IGSF3: variants seen among roughly 807,000 people sequenced by gnomAD.
IGSF3 encodes the protein glu-Trp-Ile EWI motif-containing protein 3.
In IGSF3, 23 loss-of-function variants were observed where a neutral mutation model predicts 114.4. That is an observed-to-expected ratio of 0.20 (90% confidence interval 0.14 to 0.28). The LOEUF is 0.28. Among genes scored for constraint, IGSF3 ranks in the 10% least tolerant of loss-of-function variants. IGSF3 has a pLI of 1.00. For missense variants in IGSF3, 1,172 were observed against 1,591.5 expected, an observed-to-expected ratio of 0.74 and a Z score of 4.48; for synonymous variants, 571 against 645.2, an observed-to-expected ratio of 0.88 and a Z score of 1.74.
Position 116,588,902 on chromosome 1 carries a change from G to A in IGSF3, c.2232C>T (p.Tyr744=), listed in dbSNP as rs200041627. 100 of 1,614,042 alleles carry A rather than the reference G, an allele frequency of 6.2e-5. No individual in the cohort carries two copies. The highest frequency in any genetic ancestry group is 5.5e-4 in the South Asian group (50 of 91,082). ...TGGCTCTCAGGCCCTCCTCCTCGGCGTAAGTACCGTATTCAAAGGCGGAGT... is the reference window on the plus strand; with the variant it reads ...TGGCTCTCAGGCCCTCCTCCTCGGCATAAGTACCGTATTCAAAGGCGGAGT... ...THNSAFEYGT[Y]AEEEGLRARL... is the part of the protein sequence containing the mutation. Residue 744 remains tyrosine (Y), a synonymous_variant, in exon 8 of 11, where the codon TAC becomes TAT. Coordinates refer to ENST00000369486, the MANE Select transcript of IGSF3 (RefSeq NM_001007237.3). The surrounding 1 kb of genome is among the most constrained non-coding windows in gnomAD (Gnocchi z 4.9).
At position 116,664,909 on chromosome 1, in the gene IGSF3, A is replaced by T. The variant is rs1649265916; in HGVS notation, c.43+1375T>A. On this transcript the variant is annotated intron_variant, in intron 2 of 10. Transcript: ENST00000369486. This position sits in a 1 kb window ranked among gnomAD's most constrained non-coding sequence, Gnocchi z 4.6. ...GCTGAGACCTGGGTCCCACTCCCTAAGCGAGTTTGGTTTCACTGATCTGGG... is the reference window on the plus strand; with the variant it reads ...GCTGAGACCTGGGTCCCACTCCCTATGCGAGTTTGGTTTCACTGATCTGGG... Among the ~76,000 whole-genome samples the T allele has an allele frequency of 6.6e-6, 1 of 152,240 alleles. No homozygotes were observed. Among genetic ancestry groups the T allele is most frequent in the South Asian group, 2.1e-4 (1 of 4,834 alleles).
In IGSF3 at chr1:116,582,400, C is replaced by T. The variant is rs114429838; in HGVS notation, c.2848+2245G>A. On this transcript the variant is annotated intron_variant, in intron 9 of 10. Coordinates refer to ENST00000369486, the MANE Select transcript of IGSF3 (RefSeq NM_001007237.3). This position sits in a 1 kb window ranked among gnomAD's most constrained non-coding sequence, Gnocchi z 4.7. ...TGTGTGTGATGATTGTGGTTTTCTC[C>T]CTTCCCCAGTTGTGTGAGCCCAACA... 1.9e-3 allele frequency among the ~76,000 whole-genome samples: 295 copies of T among 152,320 alleles called. 1 individual carries two copies. The highest frequency in any genetic ancestry group is 6.8e-3 in the African/African-American group (281 of 41,566).
At chr1:116,656,425 C>T (rs1648854045) in intron 2 of IGSF3, among the ~76,000 whole-genome samples, 1 of 150,826 alleles carries the variant, frequency 6.6e-6, no homozygotes, top group Non-Finnish European at 1.5e-5. Context: ...CTCCGCCTCC[C>T]GGGTAGCTGC....
chr1:116,661,719 C>A lies in IGSF3; in HGVS notation c.43+4565G>T, dbSNP rs529392022. Among the ~76,000 whole-genome samples the A allele has an allele frequency of 3.7e-4, 56 of 152,156 alleles. No homozygotes were observed. The highest frequency in any genetic ancestry group is 1.4e-3 in the Admixed American group (21 of 15,298). Reference sequence around the variant, plus strand: ...GACTATGGCAGAGATGGGCAGCTGTCCCCCAAAATCTGTTCTCTCCTTTCC... The same window carrying A: ...GACTATGGCAGAGATGGGCAGCTGTACCCCAAAATCTGTTCTCTCCTTTCC... On this transcript the variant is annotated intron_variant, in intron 2 of 10. Coordinates refer to ENST00000369486, the MANE Select transcript of IGSF3 (RefSeq NM_001007237.3). This position sits in a 1 kb window ranked among gnomAD's most constrained non-coding sequence, Gnocchi z 4.0.
intron 2 of IGSF3, among the ~76,000 whole-genome samples, chr1:116,653,008 C>T (rs1648695414): frequency 6.6e-6 from 1 of 152,176 alleles, no homozygotes; most frequent in African/African-American, 2.4e-5. Context: ...CAAAAGCAAA[C>T]AAAAACCTGT....
In IGSF3 at chr1:116,577,621, T is replaced by C. The variant is rs1659408668; in HGVS notation, c.3335-59A>G. 8 of 1,574,680 alleles carry C rather than the reference T, an allele frequency of 5.1e-6. No homozygotes were observed. Among genetic ancestry groups the C allele is most frequent in the Non-Finnish European group, 3.5e-6 (4 of 1,156,712 alleles). ...GGGCTGAGAACCTGGACTGCTCACATTTCCTTTTGAAGACCTCACCTGACC... is the reference window on the plus strand; with the variant it reads ...GGGCTGAGAACCTGGACTGCTCACACTTCCTTTTGAAGACCTCACCTGACC... On this transcript the variant is annotated intron_variant, in intron 10 of 10. Coordinates refer to ENST00000369486, the MANE Select transcript of IGSF3 (RefSeq NM_001007237.3). This position sits in a 1 kb window ranked among gnomAD's most constrained non-coding sequence, Gnocchi z 5.7.
chr1:116,593,178 A>C lies in IGSF3; in HGVS notation c.2030-4074T>G, dbSNP rs1660192591. 6.6e-6 allele frequency among the ~76,000 whole-genome samples: 1 copy of C among 152,218 alleles called. No individual in the cohort carries two copies. The highest frequency in any genetic ancestry group is 1.5e-5 in the Non-Finnish European group (1 of 68,042). ...ATCTGCAGATCAGCATCACCTGGGA[A>C]TCTGCCAGCCCCTGCTAAGTCAGAA... On this transcript the variant is annotated intron_variant, in intron 7 of 10. Coordinates refer to ENST00000369486, the MANE Select transcript of IGSF3 (RefSeq NM_001007237.3). This position sits in a 1 kb window ranked among gnomAD's most constrained non-coding sequence, Gnocchi z 4.5.
At position 116,584,640 on chromosome 1, in the gene IGSF3, C is replaced by T. The variant is rs758652764; in HGVS notation, c.2848+5G>A. 1 of 1,614,094 alleles carries T rather than the reference C, an allele frequency of 6.2e-7. No homozygotes were observed. The highest frequency in any genetic ancestry group is 2.2e-5 in the East Asian group (1 of 44,888). Reference sequence around the variant, plus strand: ...GAGTGGAAGCTTGGGGACGTGGACCCTCACCTGGTCGCATGACTGTCAGAG... The same window carrying T: ...GAGTGGAAGCTTGGGGACGTGGACCTTCACCTGGTCGCATGACTGTCAGAG... On this transcript the variant is annotated splice_donor_5th_base_variant and intron_variant, in intron 9 of 10. Transcript: ENST00000369486. The surrounding 1 kb of genome is among the most constrained non-coding windows in gnomAD (Gnocchi z 5.8).
At position 116,624,631 on chromosome 1, in the gene IGSF3, G is replaced by T. The variant is rs1437580844; in HGVS notation, c.44-8174C>A. On this transcript the variant is annotated intron_variant, in intron 2 of 10. Transcript: ENST00000369486. This position sits in a 1 kb window ranked among gnomAD's most constrained non-coding sequence, Gnocchi z 4.9. ...ATATCTCCTTCCCACATGCTCTTTTGCAATGTGACCATGCCACACACTCCC... is the reference window on the plus strand; with the variant it reads ...ATATCTCCTTCCCACATGCTCTTTTTCAATGTGACCATGCCACACACTCCC... Among the ~76,000 whole-genome samples, 1 of 152,158 alleles carries T rather than the reference G, an allele frequency of 6.6e-6. No individual in the cohort carries two copies. Among genetic ancestry groups the T allele is most frequent in the African/African-American group, 2.4e-5 (1 of 41,418 alleles).
intron 2 of IGSF3, among the ~76,000 whole-genome samples, chr1:116,620,652 G>A (rs1338878676): frequency 2.0e-5 from 3 of 152,204 alleles, no homozygotes; most frequent in Non-Finnish European, 4.4e-5. Context: ...CCTGCCAACA[G>A]CTAGCACTAA....
rs1242167265 is a variant in IGSF3, at chr1:116,574,559, T to C, written c.*2753A>G. 5 of 152,642 alleles carry C rather than the reference T, an allele frequency of 3.3e-5. No individual in the cohort carries two copies. The highest frequency in any genetic ancestry group is 2.1e-4 in the South Asian group (1 of 4,828). The allele number at this position is 152,642 out of a possible 1,614,324, so 9.5% of individuals were successfully genotyped here. On this transcript the variant is annotated 3_prime_UTR_variant, in exon 11 of 11. Transcript: ENST00000369486. This position sits in a 1 kb window ranked among gnomAD's most constrained non-coding sequence, Gnocchi z 5.2. ...AGTTTTCTTACCCCATCTTTTTTTTTCCTCAATAATTAACGCAGAGAAACC... is the reference window on the plus strand; with the variant it reads ...AGTTTTCTTACCCCATCTTTTTTTTCCCTCAATAATTAACGCAGAGAAACC...
rs948509590 is a variant in IGSF3 at position 116,583,406 on chromosome 1, T to C, written c.2848+1239A>G. Among the ~76,000 whole-genome samples the C allele has an allele frequency of 9.2e-5, 14 of 152,148 alleles. No individual in the cohort carries two copies. The highest frequency in any genetic ancestry group is 1.8e-4 in the Non-Finnish European group (12 of 68,020). Reference sequence around the variant, plus strand: ...AGGAGTTAACTCAAAGTGGAGGCAATGTTCCCTGCAGTTTAGGCAAGACAC... The same window carrying C: ...AGGAGTTAACTCAAAGTGGAGGCAACGTTCCCTGCAGTTTAGGCAAGACAC... On this transcript the variant is annotated intron_variant, in intron 9 of 10. Coordinates refer to ENST00000369486, the MANE Select transcript of IGSF3 (RefSeq NM_001007237.3). This position sits in a 1 kb window ranked among gnomAD's most constrained non-coding sequence, Gnocchi z 4.5.
chr1:116,648,702 A>T lies in IGSF3; in HGVS notation c.43+17582T>A, dbSNP rs949727470. On this transcript the variant is annotated intron_variant, in intron 2 of 10. Transcript: ENST00000369486. The surrounding 1 kb of genome is among the most constrained non-coding windows in gnomAD (Gnocchi z 4.7). ...ATTTGAAAGATGGGATTTGCACCTTATTCCTATTCAGGTCTGGAGATCTGG... is the reference window on the plus strand; with the variant it reads ...ATTTGAAAGATGGGATTTGCACCTTTTTCCTATTCAGGTCTGGAGATCTGG... Among the ~76,000 whole-genome samples, 31 of 152,208 alleles carry T rather than the reference A, an allele frequency of 2.0e-4. No homozygotes were observed. Among genetic ancestry groups the T allele is most frequent in the African/African-American group, 7.0e-4 (29 of 41,454 alleles).
In IGSF3 at chr1:116,596,940, T is replaced by A. The variant is rs1214264380; in HGVS notation, c.2029+3001A>T. ...AGTGAATATTAGCTGCTACTGTTGT[T>A]ACTACCAGTAACACTAGTGCTATAA... On this transcript the variant is annotated intron_variant, in intron 7 of 10. Transcript: ENST00000369486. This position sits in a 1 kb window ranked among gnomAD's most constrained non-coding sequence, Gnocchi z 4.1. Among the ~76,000 whole-genome samples the A allele has an allele frequency of 6.6e-6, 1 of 152,232 alleles. No homozygotes were observed. The highest frequency in any genetic ancestry group is 1.5e-5 in the Non-Finnish European group (1 of 68,034).
At position 116,634,406 on chromosome 1, in the gene IGSF3, C is replaced by CG. The variant is rs1441943352; in HGVS notation, c.44-17950dup. Among the ~76,000 whole-genome samples the CG allele has an allele frequency of 1.3e-5, 2 of 152,160 alleles. No individual in the cohort carries two copies. Among genetic ancestry groups the CG allele is most frequent in the Non-Finnish European group, 2.9e-5 (2 of 68,026 alleles). ...ACCCCACTTCTTTCCCATCCTCACT[C>CG]GTTCACATCTGCCTTGGAGCACCCA... On this transcript the variant is annotated intron_variant, in intron 2 of 10. Coordinates refer to ENST00000369486, the MANE Select transcript of IGSF3 (RefSeq NM_001007237.3). The surrounding 1 kb of genome is among the most constrained non-coding windows in gnomAD (Gnocchi z 4.2).
At position 116,616,081 on chromosome 1, in the gene IGSF3, C is replaced by T. The variant is rs1293657887; in HGVS notation, c.420G>A (p.Val140=). Residue 140 remains valine (V), a splice_region_variant and synonymous_variant, in exon 3 of 11, where the codon GTG becomes GTA. Coordinates refer to ENST00000369486, the MANE Select transcript of IGSF3 (RefSeq NM_001007237.3). The surrounding 1 kb of genome is among the most constrained non-coding windows in gnomAD (Gnocchi z 6.6). Reference sequence around the variant, plus strand: ...AACGTGAAGACAGCTTCTCCTTACCCACTAGGTTCATCTTTGCACTGTAAC... The same window carrying T: ...AACGTGAAGACAGCTTCTCCTTACCTACTAGGTTCATCTTTGCACTGTAAC... ...FGSYSAKMNL[V]VIPDSLQTTA... The T allele has an allele frequency of 6.3e-7, 1 of 1,591,208 alleles. No homozygotes were observed. The highest frequency in any genetic ancestry group is 1.1e-5 in the South Asian group (1 of 90,378).
At chr1:116,602,711 G>C (rs181793449) in intron 6 of IGSF3, among the ~76,000 whole-genome samples, 1 of 152,196 alleles carries the variant, frequency 6.6e-6, no homozygotes, top group African/African-American at 2.4e-5. Context: ...ACAGTCCCAG[G>C]GAGTGGGACA....
In IGSF3 at chr1:116,642,863, G is replaced by A. The variant is rs1265576884; in HGVS notation, c.43+23421C>T. 6.6e-6 allele frequency among the ~76,000 whole-genome samples: 1 copy of A among 152,232 alleles called. No individual in the cohort carries two copies. The highest frequency in any genetic ancestry group is 2.4e-5 in the African/African-American group (1 of 41,458). Reference sequence around the variant, plus strand: ...CTGCCAGTGAGCCCACTGCTTAGCTGAGTCATGGTCAGGTTTCTCTGCAGA... The same window carrying A: ...CTGCCAGTGAGCCCACTGCTTAGCTAAGTCATGGTCAGGTTTCTCTGCAGA... On this transcript the variant is annotated intron_variant, in intron 2 of 10. Transcript: ENST00000369486. The surrounding 1 kb of genome is among the most constrained non-coding windows in gnomAD (Gnocchi z 5.4).
At chr1:116,621,768 T>C (rs1339559940) in intron 2 of IGSF3, among the ~76,000 whole-genome samples, 1 of 152,230 alleles carries the variant, frequency 6.6e-6, no homozygotes, top group Non-Finnish European at 1.5e-5. Context: ...TTAAGAAACA[T>C]TGCATCAGAC....
Sources: gnomAD v4.1 joint callset for allele counts (sites outside exome capture counted in the v4.1 genomes callset) on GRCh38, gnomAD v4.1.1 for gene constraint, Gnocchi (gnomAD v3.1) non-coding constraint, MANE v1.5 for transcripts, NCBI Gene and HGNC (gene_info 2026-07-23, HGNC 2026-07-21) for gene names.